The following RFTN2 variants were observed in gnomAD, a reference collection of about 807,000 sequenced individuals.
RFTN2 encodes the protein raftlin-2.
A neutral mutation model predicts 52.7 loss-of-function variants in RFTN2; 34 were observed. That is an observed-to-expected ratio of 0.64 (90% CI 0.49 to 0.86). The LOEUF is 0.86. Ranked by LOEUF, RFTN2 falls within the 40% of genes least tolerant of loss-of-function variation. RFTN2 has a pLI of 0.00. For missense variants in RFTN2, 536 were observed against 600.1 expected (o/e 0.89, Z 1.12); for synonymous variants, 203 against 217.7 (o/e 0.93, Z 0.59).
intron 1 of RFTN2, among the ~76,000 whole-genome samples, chr2:197,674,363 A>AAAAAAAAAAT (rs2089188117): frequency 6.8e-6 from 1 of 147,688 alleles, no homozygotes; most frequent in African/African-American, 2.5e-5. Context: ...AAAAAAAAAA[A>AAAAAAAAAAT]GAAAAGAATG....
chr2:197,644,669 T>G (rs2088723283), intron 2 of RFTN2, among the ~76,000 whole-genome samples: 1 of 152,248 alleles, frequency 6.6e-6, no homozygotes. Flanking sequence ...CTTTGCTTAT[T>G]CTTCGGCTTG....
intron 5 of RFTN2, among the ~76,000 whole-genome samples, chr2:197,621,649 TTAAC>T (rs2088267920): frequency 1.3e-5 from 2 of 152,220 alleles, no homozygotes; most frequent in South Asian, 4.2e-4. Context: ...AATGGTGAAT[TTAAC>T]TGATAAACGT....
At position 197,675,525 on chromosome 2, in the gene RFTN2, C is replaced by A; in HGVS notation, c.-67G>T. 1 of 971,638 alleles carries A rather than the reference C, an allele frequency of 1.0e-6. No individual in the cohort carries two copies. The highest frequency in any genetic ancestry group is 1.3e-6 in the Non-Finnish European group (1 of 776,932). The allele number at this position is 971,638 out of a possible 1,614,324, so 60.2% of individuals were successfully genotyped here. Reference sequence around the variant, plus strand: ...AGAGCAGCAAATTCTGTTGTTTAAGCTGCAAAAAGAAAGTTACAGACTTAA... The same window carrying A: ...AGAGCAGCAAATTCTGTTGTTTAAGATGCAAAAAGAAAGTTACAGACTTAA... On this transcript the variant is annotated 5_prime_UTR_variant, in exon 1 of 9. Transcript: ENST00000295049.
At chr2:197,572,304 C>A in intron 8 of RFTN2, 24 bp from the exon 9 acceptor site, 1 of 1,608,452 alleles carries the variant, frequency 6.2e-7, no homozygotes, top group South Asian at 1.1e-5. Context: ...CATTGGTGAC[C>A]AGGAGAGTTA....
intron 7 of RFTN2, among the ~76,000 whole-genome samples, chr2:197,609,495 T>G (rs2088019818): frequency 1.3e-5 from 2 of 152,232 alleles, no homozygotes; most frequent in Non-Finnish European, 2.9e-5. Context: ...TTTTTTCTTA[T>G]AAATTTGTTT....
intron 3 of RFTN2, among the ~76,000 whole-genome samples, chr2:197,638,710 C>T (rs2088610657): frequency 6.8e-6 from 1 of 146,432 alleles, no homozygotes; most frequent in Non-Finnish European, 1.5e-5. Flanking sequence ...CAGTCTGTGT[C>T]TTTTAATTGG....
At chr2:197,628,706 A>G (rs1458332276) in intron 5 of RFTN2, among the ~76,000 whole-genome samples, 2 of 152,262 alleles carry the variant, frequency 1.3e-5, no homozygotes, top group Non-Finnish European at 2.9e-5. Flanking sequence ...GTAATTGCAC[A>G]TAACAAGTGG....
chr2:197,631,894 A>C (rs1286426355), intron 4 of RFTN2, among the ~76,000 whole-genome samples: 1 of 152,168 alleles, frequency 6.6e-6, no homozygotes, highest in Non-Finnish European at 1.5e-5. Context: ...GGTATGACAG[A>C]CAAAAGTATC....
At chr2:197,575,578 TG>T (rs2087397263) in intron 8 of RFTN2, among the ~76,000 whole-genome samples, 1 of 151,874 alleles carries the variant, frequency 6.6e-6, no homozygotes, top group Non-Finnish European at 1.5e-5. Context: ...AAAGGGGACA[TG>T]GTCTCTGCCC....
intron 7 of RFTN2, among the ~76,000 whole-genome samples, chr2:197,607,247 G>A (rs576752115): frequency 1.6e-4 from 25 of 152,094 alleles, no homozygotes; most frequent in Middle Eastern, 3.4e-3. Context: ...ACCAAACACC[G>A]CATGTTCTCA....
At chr2:197,579,834 C>A (rs1406391823) in intron 8 of RFTN2, among the ~76,000 whole-genome samples, 1 of 152,138 alleles carries the variant, frequency 6.6e-6, no homozygotes, top group East Asian at 1.9e-4. Context: ...CCTCCACTCC[C>A]CAACCCTATA....
chr2:197,662,028 C>T (rs1278315845), intron 1 of RFTN2, among the ~76,000 whole-genome samples: 1 of 152,166 alleles, frequency 6.6e-6, no homozygotes, highest in Admixed American at 6.5e-5. Context: ...TGTGTATATT[C>T]TGGATGTTAG....
At chr2:197,609,718 C>T (rs1347282937) in intron 7 of RFTN2, among the ~76,000 whole-genome samples, 2 of 152,048 alleles carry the variant, frequency 1.3e-5, no homozygotes, top group African/African-American at 2.4e-5. Flanking sequence ...GTGGTATTGC[C>T]CAGGTTTTCT....
rs137979546 is a variant in RFTN2 at position 197,591,414 on chromosome 2, T to C, written c.1233+4577A>G. ...CCTTGAACTAGATACAGAGTGCGGA[T>C]TGGTGTATTTACAATCCCTTAGCTA... On this transcript the variant is annotated intron_variant, in intron 8 of 8. Coordinates refer to ENST00000295049, the MANE Select transcript of RFTN2 (RefSeq NM_144629.3). Among the ~76,000 whole-genome samples the C allele has an allele frequency of 4.9e-3, 743 of 152,326 alleles. 5 individuals carry two copies. Among genetic ancestry groups the C allele is most frequent in the Middle Eastern group, 0.017 (5 of 294 alleles).
rs749572296 is a variant in RFTN2, at chr2:197,624,620, AAGAAAG to A, written c.928+6385_928+6390del. Among the ~76,000 whole-genome samples the A allele has an allele frequency of 5.2e-3, 753 of 146,024 alleles. 2 individuals carry two copies. The highest frequency in any genetic ancestry group is 0.013 in the South Asian group (58 of 4,604). On this transcript the variant is annotated intron_variant, in intron 5 of 8. Coordinates refer to ENST00000295049, the MANE Select transcript of RFTN2 (RefSeq NM_144629.3). ...CTCAAAAAAAAAAAAAAAAAAAAAA[AAGAAAG>A]AGCCAATTGATGCAGCAAATTTCAT...
At position 197,568,663 on chromosome 2, in the gene RFTN2, A is replaced by G. The variant is rs1195685584; in HGVS notation, c.*3345T>C. 1 of 152,136 alleles carries G rather than the reference A, an allele frequency of 6.6e-6. No individual in the cohort carries two copies. Among genetic ancestry groups the G allele is most frequent in the Non-Finnish European group, 1.5e-5 (1 of 68,040 alleles). The allele number at this position is 152,136 out of a possible 1,614,324, so 9.4% of individuals were successfully genotyped here. A position where few individuals can be genotyped will look rare whatever the true frequency, so the allele number is the denominator to read the frequency against. On this transcript the variant is annotated 3_prime_UTR_variant, in exon 9 of 9. Coordinates refer to ENST00000295049, the MANE Select transcript of RFTN2 (RefSeq NM_144629.3). ...TTCACTTCATTTGATTCTCCATCTG[A>G]ATTTACACTTTCCATACAGTACTAC...
intron 8 of RFTN2, among the ~76,000 whole-genome samples, chr2:197,584,269 C>T (rs2087561742): frequency 6.6e-6 from 1 of 152,164 alleles, no homozygotes; most frequent in African/African-American, 2.4e-5. Flanking sequence ...CCTATTTCTC[C>T]ACATCCTCTC....
In RFTN2 at chr2:197,661,757, G is replaced by A. The variant is rs1002392588; in HGVS notation, c.139+13563C>T. ...TTTACTAATTTACATTCCCACCAAC[G>A]GTGTATAAGAGTTCCCTTTTCTCTA... On this transcript the variant is annotated intron_variant, in intron 1 of 8. Coordinates refer to ENST00000295049, the MANE Select transcript of RFTN2 (RefSeq NM_144629.3). 3.9e-5 allele frequency among the ~76,000 whole-genome samples: 6 copies of A among 152,168 alleles called. No individual in the cohort carries two copies. In the East Asian group the frequency reaches 5.8e-4, roughly 15 times the overall value.
chr2:197,666,886 T>G (rs1041539546), intron 1 of RFTN2, among the ~76,000 whole-genome samples: 1 of 152,232 alleles, frequency 6.6e-6, no homozygotes, highest in South Asian at 2.1e-4. Context: ...CTTCAAGTTC[T>G]GAGTTTCTTT....
Sources: gnomAD v4.1 joint callset for allele counts (sites outside exome capture counted in the v4.1 genomes callset) on GRCh38, gnomAD v4.1.1 for gene constraint, MANE v1.5 for transcripts, NCBI Gene and HGNC (gene_info 2026-07-23, HGNC 2026-07-21) for gene names.